The following PARD3B variants were observed in gnomAD, a reference collection of about 807,000 sequenced individuals.
PARD3B encodes partitioning defective 3 homolog B.
A neutral mutation model predicts 130.2 loss-of-function variants in PARD3B; 103 were observed. The ratio of observed to expected loss-of-function variants is 0.79; its 90% CI spans 0.67 to 0.93. PARD3B has a LOEUF of 0.93. Ranked by LOEUF, PARD3B falls within the 40% of genes least tolerant of loss-of-function variation. The pLI is 0.00. For missense variants in PARD3B, 1,609 were observed against 1,499.2 expected (o/e 1.07, Z -1.21); for synonymous variants, 583 against 553.2 (o/e 1.05, Z -0.76).
At chr2:204,911,146 C>G (rs2047221443) in intron 2 of PARD3B, among the ~76,000 whole-genome samples, 1 of 152,092 alleles carries the variant, frequency 6.6e-6, no homozygotes, top group Non-Finnish European at 1.5e-5. Context: ...TACAAATGCC[C>G]AATAATCCCT....
rs2125892449 is a variant in PARD3B, at chr2:205,230,538, T to C, written c.2141-15240T>C. 6.6e-6 allele frequency among the ~76,000 whole-genome samples: 1 copy of C among 152,214 alleles called. No homozygotes were observed. Among genetic ancestry groups the C allele is most frequent in the East Asian group, 1.9e-4 (1 of 5,142 alleles). ...GAAGTCCTCTTAACTCTTCCCTCTT[T>C]TCTCCTCTAGCAGAAGGCAGGAGTC... On this transcript the variant is annotated intron_variant, in intron 15 of 22. Transcript: ENST00000406610. The surrounding 1 kb of genome is among the most constrained non-coding windows in gnomAD (Gnocchi z 4.1).
intron 15 of PARD3B, among the ~76,000 whole-genome samples, chr2:205,197,317 A>G (rs2036752425): frequency 6.6e-6 from 1 of 152,136 alleles, no homozygotes; most frequent in Non-Finnish European, 1.5e-5. Context: ...AAAGTGAGTT[A>G]ATTAATAGAT....
chr2:204,648,633 TAA>T (rs1421143987), intron 1 of PARD3B, among the ~76,000 whole-genome samples: 12 of 119,044 alleles, frequency 1.0e-4, no homozygotes, highest in Admixed American at 6.6e-4. Context: ...AATTTATATA[TAA>T]TATATATTAT....
intron 2 of PARD3B, among the ~76,000 whole-genome samples, chr2:204,893,027 G>A (rs2046506072): frequency 6.6e-6 from 1 of 152,172 alleles, no homozygotes; most frequent in Admixed American, 6.6e-5. Context: ...AACTGGATGA[G>A]ACCACTTAGG....
intron 2 of PARD3B, among the ~76,000 whole-genome samples, chr2:204,838,327 C>T (rs927284367): frequency 6.6e-6 from 1 of 151,090 alleles, no homozygotes; most frequent in African/African-American, 2.4e-5. Flanking sequence ...GGATTACAGG[C>T]ACCCGCCACC....
chr2:205,426,364 C>T (rs1228068324), intron 19 of PARD3B, among the ~76,000 whole-genome samples: 3 of 152,068 alleles, frequency 2.0e-5, no homozygotes, highest in African/African-American at 7.2e-5. Context: ...AGAAACTGAG[C>T]CTGTTCTCTG....
At chr2:204,729,485 C>T (rs2039390052) in intron 2 of PARD3B, among the ~76,000 whole-genome samples, 1 of 152,172 alleles carries the variant, frequency 6.6e-6, no homozygotes, top group Admixed American at 6.5e-5. Context: ...CAATGACAGT[C>T]CATCTCACAG....
At chr2:204,561,180 T>A (rs1373260370) in intron 1 of PARD3B, among the ~76,000 whole-genome samples, 1 of 152,192 alleles carries the variant, frequency 6.6e-6, no homozygotes, top group Non-Finnish European at 1.5e-5. Flanking sequence ...TTCGTAAAGA[T>A]GCCAATCTTT....
chr2:204,905,646 C>T (rs992266755), intron 2 of PARD3B, among the ~76,000 whole-genome samples: 1 of 152,114 alleles, frequency 6.6e-6, no homozygotes, highest in African/African-American at 2.4e-5. Flanking sequence ...AGACTCAAAT[C>T]TCTGCTGTAG....
intron 15 of PARD3B, among the ~76,000 whole-genome samples, chr2:205,202,438 G>A (rs2037045770): frequency 6.6e-6 from 1 of 152,102 alleles, no homozygotes; most frequent in African/African-American, 2.4e-5. Context: ...ATTTGACTTT[G>A]TATTCATTCT....
At chr2:204,744,241 C>A (rs1574870335) in intron 2 of PARD3B, among the ~76,000 whole-genome samples, 1 of 152,094 alleles carries the variant, frequency 6.6e-6, no homozygotes, top group African/African-American at 2.4e-5. Flanking sequence ...ATATATTCTC[C>A]TGTATCCGAC....
chr2:204,651,313 G>A (rs1038923378), intron 1 of PARD3B, among the ~76,000 whole-genome samples: 1 of 152,234 alleles, frequency 6.6e-6, no homozygotes, highest in Non-Finnish European at 1.5e-5. Flanking sequence ...CAGGCATTGG[G>A]TAGATGCTCC....
intron 2 of PARD3B, among the ~76,000 whole-genome samples, chr2:204,952,828 T>G (rs1321935347): frequency 2.6e-5 from 4 of 151,816 alleles, no homozygotes; most frequent in African/African-American, 4.8e-5. Context: ...GAAACCCACC[T>G]CTACTAAAAA....
chr2:204,918,498 C>T (rs1575302785), intron 2 of PARD3B, among the ~76,000 whole-genome samples: 1 of 150,864 alleles, frequency 6.6e-6, no homozygotes, highest in Non-Finnish European at 1.5e-5. Context: ...GGCGTAGTGG[C>T]GGGCGCCTGT....
chr2:205,071,144 T>G (rs976108653), intron 4 of PARD3B, among the ~76,000 whole-genome samples: 3 of 152,204 alleles, frequency 2.0e-5, no homozygotes, highest in African/African-American at 7.2e-5. Flanking sequence ...ATACAGTGTG[T>G]GCAAATCACC....
chr2:204,631,601 A>G (rs538342837), intron 1 of PARD3B, among the ~76,000 whole-genome samples: 2 of 152,292 alleles, frequency 1.3e-5, no homozygotes, highest in Admixed American at 1.3e-4. Context: ...TGAGGCGTTT[A>G]GCCCATTTAC....
rs1359283312 is a variant in PARD3B, at chr2:205,584,189, AATT to A, written c.3260+30789_3260+30791del. On this transcript the variant is annotated intron_variant, in intron 22 of 22. Transcript: ENST00000406610. The surrounding 1 kb of genome is among the most constrained non-coding windows in gnomAD (Gnocchi z 5.5). ...GCTATCAGACATTTAAATGTGTCTGAATTATGATGTGCTTTAAATGTAAAATGC... is the reference window on the plus strand; with the variant it reads ...GCTATCAGACATTTAAATGTGTCTGAATGATGTGCTTTAAATGTAAAATGC... 2.6e-5 allele frequency among the ~76,000 whole-genome samples: 4 copies of A among 152,216 alleles called. No homozygotes were observed. Among genetic ancestry groups the A allele is most frequent in the African/African-American group, 9.6e-5 (4 of 41,452 alleles).
intron 1 of PARD3B, among the ~76,000 whole-genome samples, chr2:204,684,404 C>T (rs1293127030): frequency 6.6e-6 from 1 of 152,178 alleles, no homozygotes; most frequent in Non-Finnish European, 1.5e-5. Flanking sequence ...TTAAATTGAA[C>T]TCTTTTTATA....
intron 16 of PARD3B, among the ~76,000 whole-genome samples, chr2:205,260,820 T>C (rs2040275950): frequency 6.6e-6 from 1 of 152,120 alleles, no homozygotes; most frequent in Admixed American, 6.5e-5. Flanking sequence ...CTTAAGGAAA[T>C]GTATCAGGGG....
Sources: gnomAD v4.1 joint callset for allele counts (sites outside exome capture counted in the v4.1 genomes callset) on GRCh38, gnomAD v4.1.1 for gene constraint, Gnocchi (gnomAD v3.1) non-coding constraint, MANE v1.5 for transcripts, NCBI Gene and HGNC (gene_info 2026-07-23, HGNC 2026-07-21) for gene names.